PTPN14: variants seen among roughly 807,000 people sequenced by gnomAD.
PTPN14 encodes protein tyrosine phosphatase non-receptor type 14, also known as tyrosine-protein phosphatase non-receptor type 14.
Under a neutral mutation model 126.8 loss-of-function variants are expected in PTPN14, and 53 were observed. The ratio of observed to expected loss-of-function variants is 0.42; its 90% CI spans 0.34 to 0.53. PTPN14 has a LOEUF of 0.53. Among genes scored for constraint, PTPN14 ranks in the 20% least tolerant of loss-of-function variants. PTPN14 has a pLI of 0.08. For synonymous variants in PTPN14, 630 were observed against 599.3 expected (o/e 1.05, Z -0.75); for missense variants, 1,257 against 1,552.9 (o/e 0.81, Z 3.20).
In PTPN14 at chr1:214,464,773, G is replaced by A. The variant is rs1208190830; in HGVS notation, c.31C>T (p.Arg11Trp). The change falls in exon 2 of 19, where the codon CGG becomes TGG. Residue 11 changes from arginine to tryptophan, a missense_variant. Transcript: ENST00000366956. ...TTCTTGCTCAGGACGTTGTAGCGCC[G>A]TGTCCGGCGGAGCTTCAGACCAAAA... The part of the protein sequence containing the change: MPFGLKLRRT[R>W]RYNVLSKNCF... The A allele has an allele frequency of 3.7e-6, 6 of 1,614,144 alleles. No homozygotes were observed. Among genetic ancestry groups the A allele is most frequent in the Non-Finnish European group, 3.4e-6 (4 of 1,180,046 alleles).
chr1:214,375,167 A>T (rs189565753), intron 15 of PTPN14, among the ~76,000 whole-genome samples: 16 of 152,320 alleles, frequency 1.1e-4, no homozygotes, highest in South Asian at 4.2e-4. Context: ...TATTAATAAA[A>T]ATAGTATATA....
chr1:214,504,801 AAC>A (rs1654792598), intron 1 of PTPN14, among the ~76,000 whole-genome samples: 1 of 152,084 alleles, frequency 6.6e-6, no homozygotes. Flanking sequence ...GAGGTAAGGT[AAC>A]ATACTGAATC....
At chr1:214,409,925 A>G (rs1432885667) in intron 5 of PTPN14, among the ~76,000 whole-genome samples, 3 of 149,418 alleles carry the variant, frequency 2.0e-5, no homozygotes, top group Non-Finnish European at 4.5e-5. Context: ...CATTTTTCAT[A>G]TGTCTGTTGG....
At chr1:214,433,953 A>ACACACAC (rs1558100354) in intron 3 of PTPN14, among the ~76,000 whole-genome samples, 6 of 11,548 alleles carry the variant, frequency 5.2e-4, no homozygotes, top group Non-Finnish European at 6.6e-4. Flanking sequence ...CACACACACA[A>ACACACAC]AAAAAAAAAA....
chr1:214,535,928 G>GC (rs2102477007), intron 1 of PTPN14, among the ~76,000 whole-genome samples: 1 of 152,232 alleles, frequency 6.6e-6, no homozygotes, highest in South Asian at 2.1e-4. Flanking sequence ...AAATTCCATT[G>GC]CATCTGTATG....
intron 13 of PTPN14, 109 bp from the exon 14 acceptor site, chr1:214,378,211 T>C (rs1658390012): frequency 2.2e-6 from 3 of 1,362,714 alleles, no homozygotes. Context: ...ATGCAGACAA[T>C]CACCATCAGT....
intron 9 of PTPN14, among the ~76,000 whole-genome samples, chr1:214,394,469 G>A (rs7523771): frequency 0.82 from 123,908 of 151,932 alleles, 51,240 homozygotes; most frequent in African/African-American, 0.96. Flanking sequence ...GTGCAGTGGC[G>A]CAATCTTGGC....
chr1:214,513,052 A>G (rs1439988562), intron 1 of PTPN14, among the ~76,000 whole-genome samples: 1 of 152,178 alleles, frequency 6.6e-6, no homozygotes, highest in Non-Finnish European at 1.5e-5. Flanking sequence ...CCAAACACCA[A>G]TTCAAACTAG....
intron 4 of PTPN14, among the ~76,000 whole-genome samples, chr1:214,414,305 C>T (rs756838833): frequency 4.6e-5 from 7 of 152,214 alleles, no homozygotes; most frequent in African/African-American, 7.2e-5. Flanking sequence ...AATATGACCA[C>T]ATTGTGCCTT....
chr1:214,385,239 A>G (rs1034419924), intron 12 of PTPN14, among the ~76,000 whole-genome samples: 1 of 152,172 alleles, frequency 6.6e-6, no homozygotes, highest in African/African-American at 2.4e-5. Flanking sequence ...CCTGACGGCA[A>G]TGGAAAAAGC....
rs747725344 is a variant in PTPN14 at position 214,383,813 on chromosome 1, G to A, written c.2042C>T (p.Ser681Leu). The change falls in exon 13 of 19, where the codon TCA becomes TTA. Residue 681 changes from serine (S) to leucine (L), a missense_variant. Ser to Leu is a moderately radical substitution (Grantham distance 145). Transcript: ENST00000366956. The surrounding 1 kb of genome is among the most constrained non-coding windows in gnomAD (Gnocchi z 4.4). Reference sequence around the variant, plus strand: ...GAGCTGGGGGACCTCGTGGCTGCCTGACCCCTCCTCGGGCGGTCCCTGCTC... The same window carrying A: ...GAGCTGGGGGACCTCGTGGCTGCCTAACCCCTCCTCGGGCGGTCCCTGCTC... ...LREQGPPEEG[S>L]GSHEVPQLPQ... is the part of the protein sequence containing the mutation. The A allele has an allele frequency of 2.5e-6, 4 of 1,612,686 alleles. No homozygotes were observed. Among genetic ancestry groups the A allele is most frequent in the Non-Finnish European group, 3.4e-6 (4 of 1,180,002 alleles).
At position 214,369,487 on chromosome 1, in the gene PTPN14, C is replaced by A. The variant is rs1201132785; in HGVS notation, c.3241G>T (p.Gly1081Cys). Residue 1081 changes from glycine to cysteine, a missense_variant, in exon 17 of 19, where the codon GGC becomes TGC. Transcript: ENST00000366956. Reference sequence around the variant, plus strand: ...AATCCTTGGACATCTTCTGGACAGCCGTGATCTGGCCAGTCAGTATATTGT... The same window carrying A: ...AATCCTTGGACATCTTCTGGACAGCAGTGATCTGGCCAGTCAGTATATTGT... ...HLQYTDWPDH[G>C]CPEDVQGFLS... 1 of 1,614,166 alleles carries A rather than the reference C, an allele frequency of 6.2e-7. No homozygotes were observed. Among genetic ancestry groups the A allele is most frequent in the Non-Finnish European group, 8.5e-7 (1 of 1,180,020 alleles).
chr1:214,517,329 A>T (rs1403657029), intron 1 of PTPN14, among the ~76,000 whole-genome samples: 1 of 152,102 alleles, frequency 6.6e-6, no homozygotes, highest in East Asian at 1.9e-4. Context: ...ATCAAAACTT[A>T]AGGATCCTAA....
intron 3 of PTPN14, among the ~76,000 whole-genome samples, chr1:214,434,305 A>G (rs566911195): frequency 9.3e-4 from 142 of 152,334 alleles, no homozygotes; most frequent in Non-Finnish European, 1.9e-3. Context: ...AGCCAAGGAA[A>G]GAGAGGATTT....
intron 1 of PTPN14, among the ~76,000 whole-genome samples, chr1:214,496,605 A>G (rs1226384264): frequency 6.6e-6 from 1 of 152,184 alleles, no homozygotes; most frequent in African/African-American, 2.4e-5. Context: ...ATTTGATGAT[A>G]CCTGTATATT....
chr1:214,550,917 T>G (rs1010792260), intron 1 of PTPN14, among the ~76,000 whole-genome samples: 3 of 152,156 alleles, frequency 2.0e-5, no homozygotes, highest in Non-Finnish European at 4.4e-5. Flanking sequence ...GACCAGGGTG[T>G]GGGTTTAACC....
intron 1 of PTPN14, among the ~76,000 whole-genome samples, chr1:214,506,852 G>A (rs930652786): frequency 6.6e-6 from 1 of 151,012 alleles, no homozygotes; most frequent in African/African-American, 2.4e-5. Context: ...TCATAAACAA[G>A]AATGTCTCGG....
chr1:214,468,491 G>A (rs1475337134), intron 1 of PTPN14, among the ~76,000 whole-genome samples: 2 of 152,134 alleles, frequency 1.3e-5, no homozygotes, highest in African/African-American at 4.8e-5. Context: ...AGGAGGCAGA[G>A]GTTGCAGTGA....
At chr1:214,411,493 GAA>G (rs1343974791) in intron 5 of PTPN14, among the ~76,000 whole-genome samples, 189 bp downstream of exon 5, 1 of 152,116 alleles carries the variant, frequency 6.6e-6, no homozygotes, top group African/African-American at 2.4e-5. Flanking sequence ...AGAAATTAGG[GAA>G]GTGTCTTGAG....
Sources: gnomAD v4.1 joint callset for allele counts (sites outside exome capture counted in the v4.1 genomes callset) on GRCh38, gnomAD v4.1.1 for gene constraint, Gnocchi (gnomAD v3.1) non-coding constraint, MANE v1.5 for transcripts, NCBI Gene and HGNC (gene_info 2026-07-23, HGNC 2026-07-21) for gene names.